Variants in ZER1 observed in about 807,000 individuals in gnomAD.
ZER1 encodes zyg-11 related cell cycle regulator.
A neutral mutation model predicts 78.8 loss-of-function variants in ZER1; 11 were observed. The observed-to-expected ratio is 0.14, with a 90% CI of 0.09 to 0.23. The LOEUF is 0.23. Among genes scored for constraint, ZER1 ranks in the 10% least tolerant of loss-of-function variants. ZER1 has a pLI of 1.00. For missense variants in ZER1, 588 were observed against 996.9 expected (o/e 0.59, Z 5.52); for synonymous variants, 400 against 407.0 (o/e 0.98, Z 0.21).
At chr9:128,759,695 T>C (rs997541767) in intron 1 of ZER1, among the ~76,000 whole-genome samples, 24 of 151,014 alleles carry the variant, frequency 1.6e-4, no homozygotes, top group African/African-American at 5.8e-4. Flanking sequence ...CTTGGGAGGC[T>C]GAGGCAGGAG....
chr9:128,739,899 C>A, intron 13 of ZER1, 32 bp downstream of exon 13: 1 of 1,587,350 alleles, frequency 6.3e-7, no homozygotes, highest in Non-Finnish European at 8.6e-7. Context: ...CCATATTCCA[C>A]ACCGCATCCC....
intron 1 of ZER1, among the ~76,000 whole-genome samples, chr9:128,767,131 C>T (rs1375445532): frequency 8.1e-6 from 1 of 122,736 alleles, no homozygotes; most frequent in Non-Finnish European, 1.8e-5. Flanking sequence ...TTAGTAGAGA[C>T]AGGGTTTTGC....
Position 128,751,015 on chromosome 9 carries a change from G to A in ZER1, c.1185+107C>T. 1.4e-6 allele frequency: 2 copies of A among 1,469,116 alleles called. No homozygotes were observed. Among genetic ancestry groups the A allele is most frequent in the Non-Finnish European group, 1.8e-6 (2 of 1,109,392 alleles). The allele number at this position is 1,469,116 out of a possible 1,614,324, so 91.0% of individuals were successfully genotyped here. On this transcript the variant is annotated intron_variant, in intron 7 of 15. Coordinates refer to ENST00000291900, the MANE Select transcript of ZER1 (RefSeq NM_006336.4). The surrounding 1 kb of genome is among the most constrained non-coding windows in gnomAD (Gnocchi z 5.4). ...CTGGGGTTCGGGTCCTGGGGCCCTG[G>A]GGACAGGGTGCAGAAGGACACAGGC...
At chr9:128,738,796 C>T (rs1443951149) in intron 13 of ZER1, among the ~76,000 whole-genome samples, 1 of 151,902 alleles carries the variant, frequency 6.6e-6, no homozygotes, top group African/African-American at 2.4e-5. Context: ...ACCCTCCTGC[C>T]TCAGCCTCCC....
Position 128,759,652 on chromosome 9 carries a change from G to A in ZER1, c.-94-3993C>T, listed in dbSNP as rs1296744733. Reference sequence around the variant, plus strand: ...CTACTAAAAATAGAAAAAATTAGCCGGGCGTGGTGGCACGCACCTGTAGTC... The same window carrying A: ...CTACTAAAAATAGAAAAAATTAGCCAGGCGTGGTGGCACGCACCTGTAGTC... On this transcript the variant is annotated intron_variant, in intron 1 of 15. Coordinates refer to ENST00000291900, the MANE Select transcript of ZER1 (RefSeq NM_006336.4). 4.0e-5 allele frequency among the ~76,000 whole-genome samples: 6 copies of A among 151,762 alleles called. No individual in the cohort carries two copies. In the East Asian group the frequency reaches 6.0e-4, roughly 15 times the overall value.
chr9:128,772,097 C>A (rs188856147), upstream of ZER1, among the ~76,000 whole-genome samples: 4 of 152,236 alleles, frequency 2.6e-5, no homozygotes, highest in African/African-American at 4.8e-5. Flanking sequence ...GATGCCCCCC[C>A]CAGGCCACCC....
At chr9:128,731,437 T>TGGGGGGGGGG in intron 15 of ZER1, 43 bp from the exon 16 acceptor site, 1 of 451,610 alleles carries the variant, frequency 2.2e-6, no homozygotes. Context: ...TGGGCTTGGG[T>TGGGGGGGGGG]GGGGGTGAGC....
intron 13 of ZER1, among the ~76,000 whole-genome samples, chr9:128,738,748 G>C (rs554854804): frequency 2.0e-5 from 3 of 150,996 alleles, no homozygotes; most frequent in Admixed American, 6.6e-5. Flanking sequence ...GTAGCATGAT[G>C]TTGGCTCACT....
In ZER1 at chr9:128,735,545, CAGG is replaced by C. The variant is rs1169897835; in HGVS notation, c.2043-117_2043-115del. Reference sequence around the variant, plus strand: ...CTAGTGACCAACCATGATAGGCTGGCAGGATGCCAGGGAGAAGGGACAGCTGGC... The same window carrying C: ...CTAGTGACCAACCATGATAGGCTGGCATGCCAGGGAGAAGGGACAGCTGGC... On this transcript the variant is annotated intron_variant, in intron 13 of 15. Transcript: ENST00000291900. 4.0e-6 allele frequency: 4 copies of C among 1,011,738 alleles called. No homozygotes were observed. In the African/African-American group the frequency reaches 6.5e-5, roughly 16 times the overall value. The allele number at this position is 1,011,738 out of a possible 1,614,324, so 62.7% of individuals were successfully genotyped here.
intron 1 of ZER1, among the ~76,000 whole-genome samples, chr9:128,756,633 A>G (rs1001929685): frequency 1.3e-5 from 2 of 152,220 alleles, no homozygotes; most frequent in African/African-American, 4.8e-5. Context: ...GAAAGAAATC[A>G]GTTTAAAAAA....
intron 14 of ZER1, among the ~76,000 whole-genome samples, 180 bp from the exon 15 acceptor site, chr9:128,733,708 C>T (rs1460377090): frequency 6.6e-6 from 1 of 151,212 alleles, no homozygotes; most frequent in Non-Finnish European, 1.5e-5. Flanking sequence ...GGTGGGAGTT[C>T]TGCGTCCATG....
At chr9:128,759,058 G>A (rs1228553116) in intron 1 of ZER1, among the ~76,000 whole-genome samples, 4 of 150,262 alleles carry the variant, frequency 2.7e-5, no homozygotes, top group Admixed American at 2.7e-4. Flanking sequence ...GTGCAGTGGC[G>A]CGATCTCGGC....
Position 128,751,651 on chromosome 9 carries a change from C to T in ZER1, c.924-124G>A. ...GGCCCTCCAACCTCATCCCCTACTCCTTTTGTTTTTAATGGTAGGGGACAT... is the reference window on the plus strand; with the variant it reads ...GGCCCTCCAACCTCATCCCCTACTCTTTTTGTTTTTAATGGTAGGGGACAT... On this transcript the variant is annotated intron_variant, in intron 5 of 15. Transcript: ENST00000291900. The surrounding 1 kb of genome is among the most constrained non-coding windows in gnomAD (Gnocchi z 5.4). 1.3e-6 allele frequency: 1 copy of T among 748,370 alleles called. No individual in the cohort carries two copies. Among genetic ancestry groups the T allele is most frequent in the South Asian group, 1.7e-5 (1 of 60,128 alleles). The allele number at this position is 748,370 out of a possible 1,614,324, so 46.4% of individuals were successfully genotyped here.
chr9:128,764,837 G>A (rs114899760), intron 1 of ZER1, among the ~76,000 whole-genome samples: 2 of 152,276 alleles, frequency 1.3e-5, no homozygotes, highest in African/African-American at 2.4e-5. Flanking sequence ...CCACCACACT[G>A]GGAGAACCCT....
At position 128,732,219 on chromosome 9, in the gene ZER1, C is replaced by T. The variant is rs977604980; in HGVS notation, c.2244-825G>A. ...CCATCACAGGCCTTGGAGAAATGTT[C>T]AAAGTGACTGTGGTAGGTAACTGGT... On this transcript the variant is annotated intron_variant, in intron 15 of 15. Coordinates refer to ENST00000291900, the MANE Select transcript of ZER1 (RefSeq NM_006336.4). This position sits in a 1 kb window ranked among gnomAD's most constrained non-coding sequence, Gnocchi z 4.8. 6.6e-6 allele frequency among the ~76,000 whole-genome samples: 1 copy of T among 152,200 alleles called. No homozygotes were observed. Among genetic ancestry groups the T allele is most frequent in the Non-Finnish European group, 1.5e-5 (1 of 68,042 alleles).
At chr9:128,764,823 C>T (rs1412643918) in intron 1 of ZER1, among the ~76,000 whole-genome samples, 1 of 152,176 alleles carries the variant, frequency 6.6e-6, no homozygotes, top group Non-Finnish European at 1.5e-5. Context: ...CTGGTTATGA[C>T]CGACCACCAC....
rs777459129 is a variant in ZER1 at position 128,751,216 on chromosome 9, G to A, written c.1091C>T (p.Thr364Met). 5.0e-6 allele frequency: 8 copies of A among 1,607,456 alleles called. No individual in the cohort carries two copies. The highest frequency in any genetic ancestry group is 3.3e-5 in the South Asian group (3 of 90,948). Residue 364 changes from threonine to methionine, a missense_variant, in exon 7 of 16, where the codon ACG (threonine) becomes ATG (methionine). Physicochemically the swap from Thr to Met is moderately conservative, Grantham distance 81 (BLOSUM62 -1). Transcript: ENST00000291900. This position sits in a 1 kb window ranked among gnomAD's most constrained non-coding sequence, Gnocchi z 5.4. ...CGAGGTGATCTCAGGCCGGTGCTCCGTGTAGGCCTCGATGGCATTCAGCAC... is the reference window on the plus strand; with the variant it reads ...CGAGGTGATCTCAGGCCGGTGCTCCATGTAGGCCTCGATGGCATTCAGCAC... The part of the protein sequence containing the change: ...EQVLNAIEAY[T>M]EHRPEITSRA...
chr9:128,742,461 G>T, intron 9 of ZER1, 69 bp downstream of exon 9: 2 of 1,571,054 alleles, frequency 1.3e-6, no homozygotes, highest in Non-Finnish European at 1.7e-6. Context: ...TGAGACTCTC[G>T]CTCAGGGTAG....
Position 128,755,732 on chromosome 9 carries a change from C to A in ZER1, c.-94-73G>T, listed in dbSNP as rs1318085244. ...CTATCAGTGGTCCCATGTCCACGCT[C>A]TGAGTAGGGAAACTGAGACCACACT... On this transcript the variant is annotated intron_variant, in intron 1 of 15. Transcript: ENST00000291900. The surrounding 1 kb of genome is among the most constrained non-coding windows in gnomAD (Gnocchi z 5.6). The A allele has an allele frequency of 1.2e-6, 1 of 868,206 alleles. No individual in the cohort carries two copies. The highest frequency in any genetic ancestry group is 1.7e-5 in the African/African-American group (1 of 59,192). The allele number at this position is 868,206 out of a possible 1,614,324, so 53.8% of individuals were successfully genotyped here.
Sources: allele counts gnomAD v4.1 joint callset (sites outside exome capture counted in the v4.1 genomes callset), GRCh38; gene constraint gnomAD v4.1.1; non-coding constraint Gnocchi (gnomAD v3.1); transcripts MANE v1.5; gene names NCBI Gene and HGNC (gene_info 2026-07-23, HGNC 2026-07-21).